Variants in CD180 observed in about 807,000 individuals in gnomAD.
CD180 encodes the protein CD180 antigen.
In CD180, 11 loss-of-function variants were observed where a neutral mutation model predicts 10.7. That is an observed-to-expected ratio of 1.03 (90% CI 0.65 to 1.70). The LOEUF (loss-of-function observed/expected upper bound fraction) is 1.70, where lower values mean the gene tolerates loss of function less well. Among genes scored for constraint, CD180 ranks in the 40% most tolerant of loss-of-function variants. The pLI, the probability that CD180 is intolerant of heterozygous loss-of-function variation, is 0.00. For synonymous variants in CD180, 286 were observed against 294.6 expected (o/e 0.97, Z 0.30); for missense variants, 729 against 775.2 (o/e 0.94, Z 0.71).
At chr5:67,195,558 C>G (rs980660436) in intron 1 of CD180, among the ~76,000 whole-genome samples, 1 of 152,236 alleles carries the variant, frequency 6.6e-6, no homozygotes, top group African/African-American at 2.4e-5. Flanking sequence ...CAAAGCAACA[C>G]ACACCTTCCC....
At chr5:67,194,462 C>T (rs533403785) in intron 1 of CD180, among the ~76,000 whole-genome samples, 1 of 152,278 alleles carries the variant, frequency 6.6e-6, no homozygotes, top group South Asian at 2.1e-4. Flanking sequence ...CAGAGGTGGA[C>T]TCAGAACTAA....
At chr5:67,190,584 C>CA (rs1742281712) in intron 1 of CD180, among the ~76,000 whole-genome samples, 1 of 152,234 alleles carries the variant, frequency 6.6e-6, no homozygotes, top group African/African-American at 2.4e-5. Context: ...GATGTGAACT[C>CA]ACACAGCGAG....
chr5:67,186,838 T>C (rs1489933475), intron 1 of CD180, among the ~76,000 whole-genome samples: 2 of 138,514 alleles, frequency 1.4e-5, no homozygotes, highest in Non-Finnish European at 3.0e-5. Context: ...AACAACTGAC[T>C]TTGTTCTATC....
intron 1 of CD180, among the ~76,000 whole-genome samples, chr5:67,190,460 A>G (rs1355415234): frequency 1.3e-5 from 2 of 152,178 alleles, no homozygotes; most frequent in Admixed American, 1.3e-4. Flanking sequence ...CCACATGACC[A>G]TTTCCTATAA....
intron 2 of CD180, among the ~76,000 whole-genome samples, chr5:67,185,396 C>G (rs901119511): frequency 2.0e-5 from 3 of 152,030 alleles, no homozygotes; most frequent in Non-Finnish European, 4.4e-5. Context: ...TTCTCAAACA[C>G]TGGCTCAGCA....
At chr5:67,187,800 A>C (rs547426385) in intron 1 of CD180, among the ~76,000 whole-genome samples, 1 of 152,298 alleles carries the variant, frequency 6.6e-6, no homozygotes, top group Non-Finnish European at 1.5e-5. Flanking sequence ...CCATTGTAAT[A>C]CTAAGAGGTG....
intron 2 of CD180, among the ~76,000 whole-genome samples, chr5:67,185,447 CT>C (rs946083249): frequency 1.3e-5 from 2 of 152,152 alleles, no homozygotes; most frequent in African/African-American, 2.4e-5. Context: ...AATAATGGAA[CT>C]CATTTTCCAA....
chr5:67,196,443 T>C, intron 1 of CD180, 109 bp downstream of exon 1: 1 of 1,024,972 alleles, frequency 9.8e-7, no homozygotes, highest in South Asian at 1.6e-5. Flanking sequence ...CTTATTTCCT[T>C]TTTAAAGACA....
rs6869921 is a variant in CD180, at chr5:67,180,135, G to C, written c.*2722C>G. 6.6e-6 allele frequency: 1 copy of C among 152,182 alleles called. No individual in the cohort carries two copies. Among genetic ancestry groups the C allele is most frequent in the Admixed American group, 6.5e-5 (1 of 15,286 alleles). The allele number at this position is 152,182 out of a possible 1,614,324, so 9.4% of individuals were successfully genotyped here. A position where few individuals can be genotyped will look rare whatever the true frequency, so the allele number is the denominator to read the frequency against. ...TGTCACAAAGCCTTAGATCAGTTAC[G>C]GAGCAGCAAGCTGCATCGCATGGAA... On this transcript the variant is annotated 3_prime_UTR_variant, in exon 3 of 3. Coordinates refer to ENST00000256447, the MANE Select transcript of CD180 (RefSeq NM_005582.3).
intron 1 of CD180, among the ~76,000 whole-genome samples, chr5:67,190,621 T>G (rs572556050): frequency 4.6e-5 from 7 of 152,238 alleles, no homozygotes; most frequent in Non-Finnish European, 8.8e-5. Flanking sequence ...CCACGTGGTA[T>G]TCATGACAAT....
intron 2 of CD180, among the ~76,000 whole-genome samples, chr5:67,185,288 T>TACACACAC (rs138274022): frequency 0.019 from 2,452 of 130,086 alleles, 43 homozygotes; most frequent in African/African-American, 0.049. Context: ...TGTCCCCTCT[T>TACACACAC]ACACACACAC....
At chr5:67,191,689 C>T (rs769828390) in intron 1 of CD180, among the ~76,000 whole-genome samples, 41 of 152,264 alleles carry the variant, frequency 2.7e-4, no homozygotes, top group East Asian at 1.7e-3. Context: ...AGACTTGATA[C>T]GGGTCCTAAT....
At chr5:67,185,790 G>A in intron 2 of CD180, 61 bp downstream of exon 2, 1 of 1,306,096 alleles carries the variant, frequency 7.7e-7, no homozygotes, top group Non-Finnish European at 1.0e-6. Flanking sequence ...AATAAATTAA[G>A]CACATACTGT....
At chr5:67,185,778 C>T (rs1742180550) in intron 2 of CD180, 73 bp downstream of exon 2, 3 of 1,211,802 alleles carry the variant, frequency 2.5e-6, no homozygotes, top group Admixed American at 2.9e-5. Flanking sequence ...AAAGGTCCTG[C>T]AAATAAATTA....
chr5:67,185,283 C>A (rs1161695916), intron 2 of CD180, among the ~76,000 whole-genome samples: 1,276 of 94,524 alleles, frequency 0.013, 21 homozygotes, highest in African/African-American at 0.063. Flanking sequence ...GAGCCTGTCC[C>A]CTCTTACACA....
rs1212814816 is a variant in CD180, at chr5:67,183,850, A to C, written c.993T>G (p.Asn331Lys). ...TGATTTGACACAATTGATCGAAATG[A>C]TTTACACTGAGAACTAATTTCTTGA... ...NLLKKLVLSV[N>K]HFDQLCQISA... The change falls in exon 3 of 3, where the codon AAT becomes AAG. Residue 331 changes from asparagine to lysine, a missense_variant. Coordinates refer to ENST00000256447, the MANE Select transcript of CD180 (RefSeq NM_005582.3). The C allele has an allele frequency of 6.2e-7, 1 of 1,614,198 alleles. No homozygotes were observed. The highest frequency in any genetic ancestry group is 1.7e-5 in the Admixed American group (1 of 60,032).
In CD180 at chr5:67,183,070, C is replaced by A; in HGVS notation, c.1773G>T (p.Trp591Cys). The A allele has an allele frequency of 6.2e-7, 1 of 1,612,466 alleles. No homozygotes were observed. Among genetic ancestry groups the A allele is most frequent in the Non-Finnish European group, 8.5e-7 (1 of 1,179,090 alleles). ...CAAGTTTGTGCAGGTTTTCTTTGTACCATGTTAAGAAATGAATATTCGAGC... is the reference window on the plus strand; with the variant it reads ...CAAGTTTGTGCAGGTTTTCTTTGTAACATGTTAAGAAATGAATATTCGAGC... ...CTCSNIHFLT[W>C]YKENLHKLEG... The change falls in exon 3 of 3, where the codon TGG (tryptophan) becomes TGT (cysteine). Residue 591 changes from tryptophan (W) to cysteine (C), a missense_variant. Transcript: ENST00000256447.
Position 67,192,626 on chromosome 5 carries a change from A to G in CD180, c.90+3926T>C, listed in dbSNP as rs115479651. Among the ~76,000 whole-genome samples, 630 of 152,166 alleles carry G rather than the reference A, an allele frequency of 4.1e-3. 7 individuals are homozygous for G. Among genetic ancestry groups the G allele is most frequent in the African/African-American group, 0.014 (596 of 41,516 alleles). ...GACAGAGGAGGTGCCACTCTTTTCA[A>G]TGACCAGATCTCAGGCTCAGGAGAA... On this transcript the variant is annotated intron_variant, in intron 1 of 2. Coordinates refer to ENST00000256447, the MANE Select transcript of CD180 (RefSeq NM_005582.3).
chr5:67,185,162 A>C (rs553034370), intron 2 of CD180, among the ~76,000 whole-genome samples: 1 of 149,736 alleles, frequency 6.7e-6, no homozygotes, highest in Non-Finnish European at 1.5e-5. Flanking sequence ...GGTGCTTTTA[A>C]AGATGAAGCG....
Sources: gnomAD v4.1 joint callset for allele counts (sites outside exome capture counted in the v4.1 genomes callset) on GRCh38, gnomAD v4.1.1 for gene constraint, MANE v1.5 for transcripts, NCBI Gene and HGNC (gene_info 2026-07-23, HGNC 2026-07-21) for gene names.